SCIN: variants seen among roughly 807,000 people sequenced by gnomAD.
SCIN encodes the protein adseverin.
SCIN carries 91 observed loss-of-function variants against 91.8 expected under a neutral mutation model. That is an observed-to-expected ratio of 0.99 (90% CI 0.84 to 1.18). SCIN has a LOEUF of 1.18. SCIN is among the 50% of genes most tolerant of loss of function. The pLI, the probability that SCIN is intolerant of heterozygous loss-of-function variation, is 0.00. For synonymous variants in SCIN, 367 were observed against 312.6 expected, an observed-to-expected ratio of 1.17 and a Z score of -1.84; for missense variants, 1,087 against 863.9, an observed-to-expected ratio of 1.26 and a Z score of -3.24.
rs928055471 is a variant in SCIN at position 12,626,063 on chromosome 7, G to T, written c.981+213G>T. On this transcript the variant is annotated intron_variant, in intron 7 of 15. Coordinates refer to ENST00000297029, the MANE Select transcript of SCIN (RefSeq NM_001112706.3). Reference sequence around the variant, plus strand: ...TGCACATCAGACTTTCCATAGAGCTGCCCATTCACTTCCTCCACAGCCTTT... The same window carrying T: ...TGCACATCAGACTTTCCATAGAGCTTCCCATTCACTTCCTCCACAGCCTTT... The T allele has an allele frequency of 4.2e-5, 21 of 497,050 alleles. No individual in the cohort carries two copies. In the Middle Eastern group the frequency reaches 1.5e-3, roughly 35 times the overall value. 30.8% of individuals were successfully genotyped at this position (497,050 alleles called of 1,614,324 possible).
chr7:12,586,764 C>T (rs1782596956), intron 3 of SCIN, among the ~76,000 whole-genome samples: 1 of 152,144 alleles, frequency 6.6e-6, no homozygotes, highest in Admixed American at 6.5e-5. Flanking sequence ...GTATGGAATC[C>T]TTCCATTTGC....
At position 12,644,479 on chromosome 7, in the gene SCIN, A is replaced by C; in HGVS notation, c.1760-105A>C. 2.7e-6 allele frequency: 4 copies of C among 1,498,454 alleles called. No homozygotes were observed. The South Asian group carries it at 5.4e-5, about 20-fold the overall frequency. The allele number at this position is 1,498,454 out of a possible 1,614,324, so 92.8% of individuals were successfully genotyped here. A position where few individuals can be genotyped will look rare whatever the true frequency, so the allele number is the denominator to read the frequency against. On this transcript the variant is annotated intron_variant, in intron 12 of 15. Coordinates refer to ENST00000297029, the MANE Select transcript of SCIN (RefSeq NM_001112706.3). ...TGATGGTACCTGATTTCTTTAAGTA[A>C]TTTCTCAACACTGAAATCAAGGTGA...
Position 12,652,661 on chromosome 7 carries a change from T to C in SCIN, c.2094T>C (p.His698=), listed in dbSNP as rs371255941. ...CAATTGTCATCATAAAACAGGGCCA[T>C]GAGCCACCCACATTCACAGGCTGGT... The part of the protein sequence containing the change: ...RTPIVIIKQG[H]EPPTFTGWFL... The change falls in exon 16 of 16, where the codon CAT becomes CAC. Residue 698 remains histidine, a synonymous_variant. Coordinates refer to ENST00000297029, the MANE Select transcript of SCIN (RefSeq NM_001112706.3). 11 of 1,610,422 alleles carry C rather than the reference T, an allele frequency of 6.8e-6. No homozygotes were observed. Among genetic ancestry groups the C allele is most frequent in the African/African-American group, 6.7e-5 (5 of 74,522 alleles).
At chr7:12,648,115 C>T (rs1221113726) in intron 13 of SCIN, among the ~76,000 whole-genome samples, 1 of 151,986 alleles carries the variant, frequency 6.6e-6, no homozygotes, top group Non-Finnish European at 1.5e-5. Flanking sequence ...TATGTATTAC[C>T]AATGGGTGGA....
At chr7:12,623,249 A>T (rs1051792170) in intron 5 of SCIN, among the ~76,000 whole-genome samples, 2 of 152,176 alleles carry the variant, frequency 1.3e-5, no homozygotes, top group Non-Finnish European at 2.9e-5. Context: ...TCTTGATAAG[A>T]ATGTAAAGTC....
At chr7:12,597,591 C>G (rs889464227) in intron 3 of SCIN, among the ~76,000 whole-genome samples, 15 of 152,274 alleles carry the variant, frequency 9.9e-5, no homozygotes, top group African/African-American at 3.4e-4. Context: ...CAAATGATGT[C>G]TGGCTGCACT....
intron 9 of SCIN, among the ~76,000 whole-genome samples, chr7:12,629,627 G>C (rs569649923): frequency 9.6e-4 from 146 of 152,268 alleles, no homozygotes; most frequent in African/African-American, 3.3e-3. Context: ...AAACCTGTAG[G>C]AGATACAATT....
chr7:12,632,797 C>T (rs1013750682), intron 9 of SCIN, among the ~76,000 whole-genome samples: 6 of 152,150 alleles, frequency 3.9e-5, no homozygotes, highest in Non-Finnish European at 8.8e-5. Flanking sequence ...GGCACCACAT[C>T]GGTAAAAGTT....
intron 2 of SCIN, among the ~76,000 whole-genome samples, chr7:12,578,786 G>A (rs1031650576): frequency 4.0e-5 from 6 of 151,688 alleles, no homozygotes; most frequent in East Asian, 1.9e-4. Context: ...CTACACACAC[G>A]CACATACACA....
At chr7:12,588,839 A>AGGGGGGGGGGGGGGGGGGGGGGGGGG (rs1562599677) in intron 3 of SCIN, 1 of 2,816 alleles carries the variant, frequency 3.6e-4, no homozygotes, top group Non-Finnish European at 8.1e-4. Flanking sequence ...GCGGGTGGGA[A>AGGGGGGGGGGGGGGGGGGGGGGGGGG]GGGGGAGGGG....
chr7:12,617,577 C>A lies in SCIN; in HGVS notation c.667-5224C>A, dbSNP rs28447051. On this transcript the variant is annotated intron_variant, in intron 4 of 15. Coordinates refer to ENST00000297029, the MANE Select transcript of SCIN (RefSeq NM_001112706.3). ...TTAATACCTGAGATTTGCCCCAGAG[C>A]AGCTCTCAGACCACCAGGCCCTAAT... 7.3e-3 allele frequency among the ~76,000 whole-genome samples: 1,107 copies of A among 152,212 alleles called. 16 individuals are homozygous for A. Among genetic ancestry groups the A allele is most frequent in the African/African-American group, 0.024 (1,012 of 41,544 alleles).
chr7:12,657,566 ATATATATTTTTTTTTTTT>A lies in SCIN; in HGVS notation c.*4853_*4870del, dbSNP rs1433217532. ...TATATATATATATATATATATATAT[ATATATATTTTTTTTTTTT>A]TTTTTTTTTTTTTTGCATTGGCAAA... On this transcript the variant is annotated 3_prime_UTR_variant, in exon 16 of 16. Transcript: ENST00000297029. The A allele has an allele frequency of 7.6e-4, 18 of 23,580 alleles. No homozygotes were observed. Among genetic ancestry groups the A allele is most frequent in the African/African-American group, 1.8e-3 (12 of 6,750 alleles). The allele number at this position is 23,580 out of a possible 1,614,324, so 1.5% of individuals were successfully genotyped here.
chr7:12,636,964 G>A (rs1439205149), intron 10 of SCIN, among the ~76,000 whole-genome samples: 1 of 151,868 alleles, frequency 6.6e-6, no homozygotes, highest in Non-Finnish European at 1.5e-5. Flanking sequence ...AGGAATATGG[G>A]CAACCTCTAG....
In SCIN at chr7:12,654,316, G is replaced by T. The variant is rs553980653; in HGVS notation, c.*1601G>T. 5 of 152,098 alleles carry T rather than the reference G, an allele frequency of 3.3e-5. No homozygotes were observed. The highest frequency in any genetic ancestry group is 9.7e-5 in the African/African-American group (4 of 41,428). The allele number at this position is 152,098 out of a possible 1,614,324, so 9.4% of individuals were successfully genotyped here. The stretch of plus-strand genomic sequence containing the variant: ...TGATATTTTAGCAGATAATGTGGCC[G>T]TCCAGGCAGGCATGAGATTTCTCAG... On this transcript the variant is annotated 3_prime_UTR_variant, in exon 16 of 16. Coordinates refer to ENST00000297029, the MANE Select transcript of SCIN (RefSeq NM_001112706.3).
intron 9 of SCIN, among the ~76,000 whole-genome samples, chr7:12,632,947 G>A (rs1046794790): frequency 3.2e-4 from 49 of 152,302 alleles, no homozygotes; most frequent in African/African-American, 1.1e-3. Flanking sequence ...GAGTCCTTGT[G>A]AGTCTTCACC....
intron 9 of SCIN, among the ~76,000 whole-genome samples, chr7:12,632,276 G>A (rs1192270136): frequency 2.6e-5 from 4 of 151,666 alleles, no homozygotes; most frequent in African/African-American, 7.3e-5. Context: ...GATTAGAGGC[G>A]CACACCACAT....
At position 12,651,982 on chromosome 7, in the gene SCIN, T is replaced by C. The variant is rs1487176967; in HGVS notation, c.2020+81T>C. On this transcript the variant is annotated intron_variant, in intron 15 of 15. Coordinates refer to ENST00000297029, the MANE Select transcript of SCIN (RefSeq NM_001112706.3). This position sits in a 1 kb window ranked among gnomAD's most constrained non-coding sequence, Gnocchi z 5.9. ...GTCTGGCTTGCTCTTTGCCACCATG[T>C]CTTACAAAAATACATTTCAAAATCA... 1 of 894,384 alleles carries C rather than the reference T, an allele frequency of 1.1e-6. No individual in the cohort carries two copies. Among genetic ancestry groups the C allele is most frequent in the Non-Finnish European group, 1.8e-6 (1 of 570,218 alleles). The allele number at this position is 894,384 out of a possible 1,614,324, so 55.4% of individuals were successfully genotyped here.
intron 5 of SCIN, among the ~76,000 whole-genome samples, chr7:12,624,588 A>G (rs1312278789): frequency 6.6e-6 from 1 of 152,166 alleles, no homozygotes; most frequent in Non-Finnish European, 1.5e-5. Context: ...TGATTTTAAG[A>G]TTATTACCTA....
chr7:12,617,673 A>G, intron 4 of SCIN, among the ~76,000 whole-genome samples: 1 of 152,144 alleles, frequency 6.6e-6, no homozygotes, highest in South Asian at 2.1e-4. Context: ...ACCTATCCCA[A>G]TGGTTGAGGT....
Sources: allele counts gnomAD v4.1 joint callset (sites outside exome capture counted in the v4.1 genomes callset), GRCh38; gene constraint gnomAD v4.1.1; non-coding constraint Gnocchi (gnomAD v3.1); transcripts MANE v1.5; gene names NCBI Gene and HGNC (gene_info 2026-07-23, HGNC 2026-07-21).